LIG1: variants seen among roughly 807,000 people sequenced by gnomAD.
The protein encoded by LIG1 is ligase I, DNA, ATP-dependent.
LIG1 carries 70 observed loss-of-function variants against 115.7 expected under a neutral mutation model. That is an observed-to-expected ratio of 0.60 (90% CI 0.50 to 0.74). LIG1 has a LOEUF of 0.74. LIG1 is among the 30% of genes least tolerant of loss of function. The pLI is 0.00. For synonymous variants in LIG1, 487 were observed against 495.3 expected (o/e 0.98, Z 0.22); for missense variants, 1,115 against 1,225.6 (o/e 0.91, Z 1.35).
chr19:48,116,773 T>C (rs1158811474), intron 26 of LIG1, among the ~76,000 whole-genome samples: 3 of 152,240 alleles, frequency 2.0e-5, no homozygotes, highest in Admixed American at 6.5e-5. Context: ...CACCGGCTCC[T>C]GTGCCTTGTT....
At position 48,150,188 on chromosome 19, in the gene LIG1, G is replaced by A. The variant is rs1011492150; in HGVS notation, c.597C>T (p.Ser199=). 7.4e-6 allele frequency: 12 copies of A among 1,614,030 alleles called. No homozygotes were observed. The highest frequency in any genetic ancestry group is 6.7e-5 in the African/African-American group (5 of 74,914). The change falls in exon 8 of 28, where the codon AGC becomes AGT. Residue 199 remains serine (S), a synonymous_variant. Transcript: ENST00000263274. ...KTSKAETPTE[S]VSEPEVATKQ... ...TCGTGGCCACCTCAGGCTCTGAAAC[G>A]CTTTCCGTCGGGGTCTCTGCTTCTG...
In LIG1 at chr19:48,139,960, G is replaced by A. The variant is rs1315666197; in HGVS notation, c.1087+11C>T. On this transcript the variant is annotated intron_variant, in intron 12 of 27. Transcript: ENST00000263274. ...TGTCCTTCTGGTCCCTCCAACCACA[G>A]TCCCCCTTACCTGTGGCCTGGGCCA... The A allele has an allele frequency of 1.2e-6, 2 of 1,613,860 alleles. No homozygotes were observed. Among genetic ancestry groups the A allele is most frequent in the Non-Finnish European group, 1.7e-6 (2 of 1,179,986 alleles).
chr19:48,115,897 C>T lies in LIG1; in HGVS notation c.2652G>A (p.Pro884=), dbSNP rs35100567. The stretch of plus-strand genomic sequence containing the variant: ...CCTGAGCACTGGTGGTGGCCTGCTC[C>T]GGCTGCTTGTCTTCACGGACTCGAA... The part of the protein sequence containing the change: ...RFIRVREDKQ[P]EQATTSAQVA... The change falls in exon 27 of 28, where the codon CCG becomes CCA. Residue 884 remains proline, a synonymous_variant. Transcript: ENST00000263274. The T allele has an allele frequency of 0.012, 19,490 of 1,613,912 alleles. 157 individuals carry two copies. The highest frequency in any genetic ancestry group is 0.014 in the Non-Finnish European group (16,068 of 1,179,934).
rs746936471 is a variant in LIG1, at chr19:48,150,259, CTTTT to C, written c.575-53_575-50del. 8.7e-6 allele frequency: 14 copies of C among 1,606,426 alleles called. No homozygotes were observed. The Admixed American group carries it at 1.2e-4, about 13-fold the overall frequency. On this transcript the variant is annotated intron_variant, in intron 7 of 27. Coordinates refer to ENST00000263274, the MANE Select transcript of LIG1 (RefSeq NM_000234.3). ...TGATGCAAACTCTTTGACCCTGAGA[CTTTT>C]TTTTTCTTTTTTTTTACCCCCAAGA...
At chr19:48,145,904 G>C (rs2035080989) in intron 9 of LIG1, 1 of 152,214 alleles carries the variant, frequency 6.6e-6, no homozygotes, top group South Asian at 2.1e-4. Context: ...GAGAGAGGTG[G>C]AGCTGGGATT....
intron 6 of LIG1, 24 bp from the exon 7 acceptor site, chr19:48,151,363 A>G (rs2122857544): frequency 2.1e-6 from 3 of 1,462,398 alleles, no homozygotes; most frequent in East Asian, 2.3e-5. Context: ...GAACGGTCAG[A>G]TGGCAAAAAA....
intron 2 of LIG1, among the ~76,000 whole-genome samples, chr19:48,165,088 G>A (rs571110867): frequency 2.6e-5 from 4 of 152,250 alleles, no homozygotes; most frequent in South Asian, 4.1e-4. Flanking sequence ...GTGAAACCCC[G>A]TCTCTACTAA....
At chr19:48,142,464 G>T (rs1401080710) in intron 11 of LIG1, among the ~76,000 whole-genome samples, 2 of 86,540 alleles carry the variant, frequency 2.3e-5, no homozygotes, top group Non-Finnish European at 4.8e-5. Flanking sequence ...AAAACAGAGT[G>T]CTGGGAACAG....
intron 5 of LIG1, among the ~76,000 whole-genome samples, chr19:48,155,005 G>C (rs2035745400): frequency 6.6e-6 from 1 of 152,142 alleles, no homozygotes; most frequent in Admixed American, 6.5e-5. Context: ...ACACCAAGCT[G>C]TGTCACCCCT....
Position 48,123,259 on chromosome 19 carries a change from C to A in LIG1, c.2064G>T (p.Glu688Asp). The A allele has an allele frequency of 6.2e-7, 1 of 1,614,168 alleles. No individual in the cohort carries two copies. Among genetic ancestry groups the A allele is most frequent in the Admixed American group, 1.7e-5 (1 of 60,020 alleles). ...RRQLLRENFV[E>D]TEGEFVFATS... ...TGGCGAAGACAAACTCGCCCTCTGT[C>A]TCCACAAAGTTCTCCCGGAGCAGCT... Residue 688 changes from glutamate to aspartate, a missense_variant, in exon 22 of 28, where the codon GAG becomes GAT. Glu to Asp is a conservative substitution (Grantham distance 45). Transcript: ENST00000263274.
chr19:48,148,879 T>A (rs1391425799), intron 9 of LIG1, among the ~76,000 whole-genome samples: 3 of 152,120 alleles, frequency 2.0e-5, no homozygotes, highest in Non-Finnish European at 4.4e-5. Context: ...ACTAAGCACA[T>A]CACGAGGGCT....
chr19:48,148,290 A>G (rs532321402), intron 9 of LIG1, among the ~76,000 whole-genome samples: 7 of 152,280 alleles, frequency 4.6e-5, no homozygotes, highest in African/African-American at 1.7e-4. Context: ...CCTGGCCAAC[A>G]TGGTGAAACC....
chr19:48,155,709 A>T (rs917273364), intron 5 of LIG1, among the ~76,000 whole-genome samples: 6 of 152,210 alleles, frequency 3.9e-5, no homozygotes, highest in Non-Finnish European at 7.3e-5. Context: ...GTATGATTCC[A>T]ACATTCTGTT....
At position 48,170,327 on chromosome 19, in the gene LIG1, A is replaced by G. The variant is rs896706795; in HGVS notation, c.-144T>C. 28 of 444,654 alleles carry G rather than the reference A, an allele frequency of 6.3e-5. No individual in the cohort carries two copies. In the East Asian group the frequency reaches 1.6e-3, roughly 26 times the overall value. 27.5% of individuals were successfully genotyped at this position (444,654 alleles called of 1,614,324 possible). A position where few individuals can be genotyped will look rare whatever the true frequency, so the allele number is the denominator to read the frequency against. ...TGCAGTCCCAAGTTCGCGCCACGGC[A>G]TTCGCGCGCAGACGTCTGCGGGCGG... is the stretch of plus-strand genomic sequence containing the variant. On this transcript the variant is annotated 5_prime_UTR_variant, in exon 1 of 28. An upstream start codon of the reference 5' UTR is lost. Coordinates refer to ENST00000263274, the MANE Select transcript of LIG1 (RefSeq NM_000234.3).
chr19:48,120,013 T>C (rs1419797293), intron 24 of LIG1, among the ~76,000 whole-genome samples: 1 of 152,272 alleles, frequency 6.6e-6, no homozygotes, highest in African/African-American at 2.4e-5. Context: ...AGGATTCTTT[T>C]TGCCTTTTGT....
intron 4 of LIG1, 67 bp downstream of exon 4, chr19:48,161,305 C>T (rs1389996029): frequency 1.2e-6 from 2 of 1,601,874 alleles, no homozygotes; most frequent in Non-Finnish European, 1.7e-6. Context: ...AGCTGCTGCA[C>T]TCTGTTCCAA....
chr19:48,132,066 G>A (rs1325425739), intron 18 of LIG1, among the ~76,000 whole-genome samples: 1 of 151,706 alleles, frequency 6.6e-6, no homozygotes, highest in Non-Finnish European at 1.5e-5. Flanking sequence ...AGCCTCCCGA[G>A]TAGCTGGGAC....
intron 22 of LIG1, 77 bp from the exon 23 acceptor site, chr19:48,123,093 C>T (rs1443826461): frequency 1.5e-5 from 24 of 1,611,448 alleles, no homozygotes; most frequent in South Asian, 9.9e-5. Context: ...TCTGGTCAAA[C>T]GGTCCAGGAC....
chr19:48,143,854 G>A, intron 10 of LIG1, 29 bp downstream of exon 10: 1 of 1,580,080 alleles, frequency 6.3e-7, no homozygotes, highest in Non-Finnish European at 8.7e-7. Context: ...GGACCGGAGG[G>A]GGACAGTCTG....
Sources: allele counts gnomAD v4.1 joint callset (sites outside exome capture counted in the v4.1 genomes callset), GRCh38; gene constraint gnomAD v4.1.1; transcripts MANE v1.5; gene names NCBI Gene and HGNC (gene_info 2026-07-23, HGNC 2026-07-21).